Variants in URI1 observed in about 807,000 individuals in gnomAD.
URI1 encodes unconventional prefoldin RPB5 interactor 1.
In URI1, 39 loss-of-function variants were observed where a neutral mutation model predicts 60.2. The observed-to-expected ratio is 0.65, with a 90% confidence interval of 0.50 to 0.85. The LOEUF is 0.85. Ranked by LOEUF, URI1 falls within the 40% of genes least tolerant of loss-of-function variation. The pLI, the probability that URI1 is intolerant of heterozygous loss-of-function variation, is 0.00. For synonymous variants in URI1, 251 were observed against 236.8 expected (o/e 1.06, Z -0.55); for missense variants, 691 against 665.9 (o/e 1.04, Z -0.42).
rs1187094686 is a variant in URI1 at position 30,016,574 on chromosome 19, C to T, written c.*1505C>T. 3 of 152,154 alleles carry T rather than the reference C, an allele frequency of 2.0e-5. No homozygotes were observed. The highest frequency in any genetic ancestry group is 1.9e-4 in the East Asian group (1 of 5,186). 9.4% of individuals were successfully genotyped at this position (152,154 alleles called of 1,614,324 possible). A position where few individuals can be genotyped will look rare whatever the true frequency, so the allele number is the denominator to read the frequency against. ...GGTGTTCTTAACAGATTTGTAATTT[C>T]AAGATGCGTGTCATTAAATAATTTT... is the stretch of plus-strand genomic sequence containing the variant. On this transcript the variant is annotated 3_prime_UTR_variant, in exon 11 of 11. Coordinates refer to ENST00000392271, the MANE Select transcript of URI1 (RefSeq NM_003796.3).
intron 1 of URI1, among the ~76,000 whole-genome samples, chr19:29,963,392 C>A (rs2145300203): frequency 6.6e-6 from 1 of 152,082 alleles, no homozygotes; most frequent in African/African-American, 2.4e-5. Flanking sequence ...CTTTTAATGC[C>A]ATTTATTTTA....
intron 1 of URI1, among the ~76,000 whole-genome samples, chr19:29,932,744 C>T (rs334989): frequency 9.3e-5 from 14 of 151,242 alleles, no homozygotes; most frequent in African/African-American, 2.7e-4. Context: ...CTCTGCCTCC[C>T]GGGTTCAAGC....
intron 1 of URI1, among the ~76,000 whole-genome samples, chr19:29,934,406 G>A (rs967084071): frequency 6.6e-6 from 1 of 152,204 alleles, no homozygotes; most frequent in African/African-American, 2.4e-5. Context: ...TCTGGAGGCT[G>A]GAAGTCCAAG....
chr19:30,006,929 A>G (rs1329909506), intron 6 of URI1, among the ~76,000 whole-genome samples: 1 of 152,120 alleles, frequency 6.6e-6, no homozygotes, highest in Non-Finnish European at 1.5e-5. Flanking sequence ...AAATGATAAT[A>G]GAACTTTACA....
upstream of URI1, among the ~76,000 whole-genome samples, chr19:29,938,247 C>G (rs2054990657): frequency 6.6e-6 from 1 of 152,092 alleles, no homozygotes; most frequent in Non-Finnish European, 1.5e-5. Flanking sequence ...TGCTCGGTTT[C>G]TGGTGAGGCC....
At chr19:29,941,955 CTGGGCG>C (rs2055028892), upstream of URI1, among the ~76,000 whole-genome samples, 3 of 150,850 alleles carry the variant, frequency 2.0e-5, no homozygotes, top group South Asian at 6.3e-4. Context: ...CGAGCGTTTC[CTGGGCG>C]TGGAGCTTCT....
intron 1 of URI1, among the ~76,000 whole-genome samples, chr19:29,963,769 C>A (rs954338497): frequency 3.3e-5 from 5 of 152,156 alleles, no homozygotes; most frequent in African/African-American, 1.2e-4. Flanking sequence ...CACCTTACTC[C>A]GGGCAGGTGC....
intron 4 of URI1, among the ~76,000 whole-genome samples, chr19:29,995,823 A>T (rs1232221472): frequency 6.6e-6 from 1 of 151,840 alleles, no homozygotes; most frequent in Non-Finnish European, 1.5e-5. Flanking sequence ...ATTCTTTTGC[A>T]TGTGGTTCCA....
intron 4 of URI1, among the ~76,000 whole-genome samples, chr19:29,989,133 T>C (rs1030155118): frequency 1.3e-5 from 2 of 151,998 alleles, no homozygotes; most frequent in Non-Finnish European, 2.9e-5. Context: ...TTTTTTGAGA[T>C]GGAGTCTCAC....
At chr19:29,999,432 T>G (rs2055851127) in intron 4 of URI1, among the ~76,000 whole-genome samples, 1 of 152,134 alleles carries the variant, frequency 6.6e-6, no homozygotes, top group African/African-American at 2.4e-5. Context: ...GACTGTTGTT[T>G]TGCTAAACAT....
At chr19:30,006,097 G>GT (rs2055939211) in intron 6 of URI1, among the ~76,000 whole-genome samples, 1 of 152,058 alleles carries the variant, frequency 6.6e-6, no homozygotes, top group African/African-American at 2.4e-5. Flanking sequence ...TTTGTAAGCT[G>GT]TTTTTGGAAG....
At chr19:29,964,452 G>GTTTTTGTTTTTTT (rs2055364763) in intron 1 of URI1, among the ~76,000 whole-genome samples, 1 of 137,260 alleles carries the variant, frequency 7.3e-6, no homozygotes, top group African/African-American at 2.8e-5. Flanking sequence ...TTTTGTTTTT[G>GTTTTTGTTTTTTT]TTTTTTGTTT....
rs377746991 is a variant in URI1, at chr19:29,986,184, AATT to A, written c.232-97_232-95del. The A allele has an allele frequency of 6.3e-5, 76 of 1,206,974 alleles. 1 individual carries two copies. The East Asian group carries it at 1.3e-3, about 20-fold the overall frequency. 74.8% of individuals were successfully genotyped at this position (1,206,974 alleles called of 1,614,324 possible). On this transcript the variant is annotated intron_variant, in intron 3 of 10. Transcript: ENST00000392271. ...ATTTTTCCCAATGTATAAATAAAAA[AATT>A]CAGTTATGTAAGGCTTTTAATGCGA...
chr19:29,949,501 A>G (rs1397896204), intron 1 of URI1, among the ~76,000 whole-genome samples: 1 of 152,196 alleles, frequency 6.6e-6, no homozygotes, highest in Non-Finnish European at 1.5e-5. Flanking sequence ...CACTTCCCAG[A>G]CGGGGTGGTG....
At chr19:29,940,830 G>C (rs558460603), upstream of URI1, among the ~76,000 whole-genome samples, 21 of 152,204 alleles carry the variant, frequency 1.4e-4, no homozygotes, top group South Asian at 4.1e-3. Flanking sequence ...AAGTGGGGTG[G>C]GCAGCAGCCG....
intron 1 of URI1, among the ~76,000 whole-genome samples, chr19:29,928,115 TCCAGA>T (rs1312329927): frequency 6.6e-6 from 1 of 151,792 alleles, no homozygotes; most frequent in Non-Finnish European, 1.5e-5. Flanking sequence ...TAATCTCAAG[TCCAGA>T]TATGTGCAAG....
intron 4 of URI1, among the ~76,000 whole-genome samples, chr19:29,993,981 G>C (rs1316868496): frequency 6.6e-6 from 1 of 151,882 alleles, no homozygotes; most frequent in Non-Finnish European, 1.5e-5. Context: ...TATTTAGCCA[G>C]TCCTTTACTG....
chr19:29,975,664 CA>C (rs1296761550), intron 2 of URI1, among the ~76,000 whole-genome samples: 1 of 152,058 alleles, frequency 6.6e-6, no homozygotes, highest in Non-Finnish European at 1.5e-5. Flanking sequence ...CCGCCATGCC[CA>C]GCTAATTTTT....
chr19:29,952,878 C>A (rs2055196795), intron 1 of URI1, among the ~76,000 whole-genome samples: 1 of 152,172 alleles, frequency 6.6e-6, no homozygotes, highest in South Asian at 2.1e-4. Flanking sequence ...TTCTCCCCTC[C>A]CCCAAACCCC....
Sources: allele counts gnomAD v4.1 joint callset (sites outside exome capture counted in the v4.1 genomes callset), GRCh38; gene constraint gnomAD v4.1.1; transcripts MANE v1.5; gene names NCBI Gene and HGNC (gene_info 2026-07-23, HGNC 2026-07-21).